SDK2: variants seen among roughly 807,000 people sequenced by gnomAD.
The protein encoded by SDK2 is sidekick cell adhesion molecule 2.
A neutral mutation model predicts 253.9 loss-of-function variants in SDK2; 105 were observed. The observed-to-expected ratio is 0.41, with a 90% CI of 0.35 to 0.49. The LOEUF (loss-of-function observed/expected upper bound fraction) is 0.49, where lower values mean the gene tolerates loss of function less well. Among genes scored for constraint, SDK2 ranks in the 20% least tolerant of loss-of-function variants. The pLI is 0.06. For missense variants in SDK2, 2,608 were observed against 3,003.0 expected, an observed-to-expected ratio of 0.87 and a Z score of 3.07; for synonymous variants, 1,249 against 1,234.9, an observed-to-expected ratio of 1.01 and a Z score of -0.24.
intron 44 of SDK2, among the ~76,000 whole-genome samples, chr17:73,343,053 C>CCGACT (rs2062452695): frequency 6.6e-6 from 1 of 152,206 alleles, no homozygotes; most frequent in African/African-American, 2.4e-5. Flanking sequence ...CCACTAACCC[C>CCGACT]CGACTCCAAG....
chr17:73,424,180 C>T, intron 12 of SDK2, 88 bp from the exon 13 acceptor site: 1 of 1,159,406 alleles, frequency 8.6e-7, no homozygotes, highest in South Asian at 1.5e-5. Context: ...GAGAAAATAG[C>T]TCCAAAGCTG....
chr17:73,592,302 T>A (rs574260316), intron 1 of SDK2, among the ~76,000 whole-genome samples: 9 of 152,322 alleles, frequency 5.9e-5, no homozygotes, highest in Non-Finnish European at 2.9e-5. Flanking sequence ...GCTGGCTCCG[T>A]GTGGCTGCAT....
intron 1 of SDK2, among the ~76,000 whole-genome samples, chr17:73,620,164 T>C (rs2046115271): frequency 6.8e-6 from 1 of 147,136 alleles, no homozygotes; most frequent in African/African-American, 2.5e-5. Context: ...GTACCTCTGC[T>C]CTCCATCCTG....
Position 73,526,437 on chromosome 17 carries a change from G to A in SDK2, c.65-18840C>T, listed in dbSNP as rs564386262. Among the ~76,000 whole-genome samples the A allele has an allele frequency of 2.4e-4, 37 of 152,298 alleles. No individual in the cohort carries two copies. In the South Asian group the frequency reaches 7.5e-3, roughly 31 times the overall value. On this transcript the variant is annotated intron_variant, in intron 1 of 44. Coordinates refer to ENST00000392650, the MANE Select transcript of SDK2 (RefSeq NM_001144952.2). ...GGAGAAAGAAGGGGGTGGGAATAAT[G>A]TATTAATATCTGCTTTGGAGGAGAA...
chr17:73,352,374 C>T lies in SDK2; in HGVS notation c.5758+99G>A. On this transcript the variant is annotated intron_variant, in intron 41 of 44. Transcript: ENST00000392650. The surrounding 1 kb of genome is among the most constrained non-coding windows in gnomAD (Gnocchi z 4.1). ...TGTGTTTTTGTTCCCGCCCCATGCT[C>T]CTGGTGCCCTGGTGCCTCTCCTCCT... The T allele has an allele frequency of 7.1e-7, 1 of 1,412,462 alleles. No homozygotes were observed. The highest frequency in any genetic ancestry group is 9.6e-7 in the Non-Finnish European group (1 of 1,046,546). The allele number at this position is 1,412,462 out of a possible 1,614,324, so 87.5% of individuals were successfully genotyped here.
chr17:73,462,290 T>C (rs901185828), intron 3 of SDK2, among the ~76,000 whole-genome samples: 3 of 152,074 alleles, frequency 2.0e-5, no homozygotes, highest in South Asian at 4.1e-4. Flanking sequence ...TGTATGTTTA[T>C]GTGCATGTGT....
At chr17:73,392,764 G>A (rs79314188) in intron 27 of SDK2, among the ~76,000 whole-genome samples, 4,974 of 152,162 alleles carry the variant, frequency 0.033, 115 homozygotes, top group Middle Eastern at 0.061. Context: ...AGGTGGGGGC[G>A]TGTGCGGGGA....
chr17:73,566,309 TTA>T (rs748211880), intron 1 of SDK2, among the ~76,000 whole-genome samples: 3,743 of 147,008 alleles, frequency 0.025, 82 homozygotes, highest in African/African-American at 0.065. Flanking sequence ...AATAAAATTC[TTA>T]TATATATATG....
chr17:73,365,880 G>T (rs2062680434), intron 37 of SDK2, among the ~76,000 whole-genome samples: 1 of 152,116 alleles, frequency 6.6e-6, no homozygotes, highest in Admixed American at 6.5e-5. Flanking sequence ...CTCCTCCTGG[G>T]GCTCCAGGGC....
At chr17:73,515,112 A>G (rs2145775264) in intron 1 of SDK2, among the ~76,000 whole-genome samples, 1 of 152,336 alleles carries the variant, frequency 6.6e-6, no homozygotes, top group African/African-American at 2.4e-5. Flanking sequence ...CATCTCAAGG[A>G]AACCACTATC....
intron 3 of SDK2, among the ~76,000 whole-genome samples, chr17:73,460,321 A>G (rs1200235861): frequency 6.6e-6 from 1 of 152,202 alleles, no homozygotes; most frequent in Non-Finnish European, 1.5e-5. Context: ...GTGCGCCCTG[A>G]GAGGACTTCA....
At position 73,348,704 on chromosome 17, in the gene SDK2, T is replaced by A. The variant is rs753094584; in HGVS notation, c.6060A>T (p.Pro2020=). The A allele has an allele frequency of 1.9e-6, 3 of 1,609,858 alleles. No individual in the cohort carries two copies. Among genetic ancestry groups the A allele is most frequent in the Non-Finnish European group, 2.5e-6 (3 of 1,179,558 alleles). Residue 2020 remains proline (P), a synonymous_variant, in exon 44 of 45, where the codon CCA becomes CCT. Transcript: ENST00000392650. ...CCTCATCCGAGTAGTGCAGGCTGCC[T>A]GGGCTGGGCCTGGGGGGAGACCTGG... ...LYTRSPPRPS[P]GSLHYSDEDV...
intron 1 of SDK2, among the ~76,000 whole-genome samples, chr17:73,624,129 C>CA (rs1282882350): frequency 6.6e-6 from 1 of 152,226 alleles, no homozygotes; most frequent in Non-Finnish European, 1.5e-5. Context: ...AATTGGGATT[C>CA]AAAATAGACC....
intron 1 of SDK2, among the ~76,000 whole-genome samples, chr17:73,578,814 T>C (rs533601311): frequency 1.3e-5 from 2 of 152,290 alleles, no homozygotes; most frequent in South Asian, 4.1e-4. Context: ...TGAGGCACAG[T>C]CTAGGCCGAC....
At position 73,470,026 on chromosome 17, in the gene SDK2, A is replaced by G. The variant is rs868629601; in HGVS notation, c.331+2086T>C. On this transcript the variant is annotated intron_variant, in intron 3 of 44. Coordinates refer to ENST00000392650, the MANE Select transcript of SDK2 (RefSeq NM_001144952.2). Reference sequence around the variant, plus strand: ...CACACACACACACACACACACACACACACACACAGAGGTTCTGGCCCACAC... The same window carrying G: ...CACACACACACACACACACACACACGCACACACAGAGGTTCTGGCCCACAC... Among the ~76,000 whole-genome samples the G allele has an allele frequency of 8.1e-4, 123 of 151,294 alleles. 1 individual carries two copies. The highest frequency in any genetic ancestry group is 2.8e-3 in the African/African-American group (113 of 41,008).
chr17:73,347,049 C>T (rs2062490745), intron 44 of SDK2, among the ~76,000 whole-genome samples: 1 of 152,190 alleles, frequency 6.6e-6, no homozygotes, highest in African/African-American at 2.4e-5. Context: ...GCAGCACTGA[C>T]TTATTTAGGA....
chr17:73,598,814 G>A lies in SDK2; in HGVS notation c.64+45211C>T, dbSNP rs189663405. Among the ~76,000 whole-genome samples the A allele has an allele frequency of 6.9e-3, 1,050 of 152,282 alleles. 8 individuals carry two copies. Among genetic ancestry groups the A allele is most frequent in the Non-Finnish European group, 9.9e-3 (671 of 68,012 alleles). On this transcript the variant is annotated intron_variant, in intron 1 of 44. Coordinates refer to ENST00000392650, the MANE Select transcript of SDK2 (RefSeq NM_001144952.2). ...GCTGAGAAGACGTGGTCTGGCCAGG[G>A]CCTGGCACCTGTGAGCTCGAAGGCC...
chr17:73,418,338 G>T (rs1291070001), intron 16 of SDK2, among the ~76,000 whole-genome samples: 1 of 152,118 alleles, frequency 6.6e-6, no homozygotes, highest in Non-Finnish European at 1.5e-5. Flanking sequence ...AGGTTTCTAA[G>T]CCTATCCTTA....
chr17:73,414,549 GA>G, intron 18 of SDK2, 94 bp downstream of exon 18: 4 of 830,966 alleles, frequency 4.8e-6, no homozygotes, highest in Non-Finnish European at 7.8e-6. Flanking sequence ...TTCAGAAACA[GA>G]GGGGGGATTT....
Sources: gnomAD v4.1 joint callset for allele counts (sites outside exome capture counted in the v4.1 genomes callset) on GRCh38, gnomAD v4.1.1 for gene constraint, Gnocchi (gnomAD v3.1) non-coding constraint, MANE v1.5 for transcripts, NCBI Gene and HGNC (gene_info 2026-07-23, HGNC 2026-07-21) for gene names.